DNAAF3: variants seen among roughly 807,000 people sequenced by gnomAD.
DNAAF3 encodes the protein UPF0470 protein C19orf51.
A neutral mutation model predicts 50.9 loss-of-function variants in DNAAF3; 40 were observed. The observed-to-expected ratio is 0.79, with a 90% CI of 0.61 to 1.02. The LOEUF (loss-of-function observed/expected upper bound fraction) is 1.02. Ranked by LOEUF, DNAAF3 falls within the 50% of genes least tolerant of loss-of-function variation. DNAAF3 has a pLI of 0.00. For missense variants in DNAAF3, 763 were observed against 744.7 expected, an observed-to-expected ratio of 1.02 and a Z score of -0.29; for synonymous variants, 327 against 322.8, an observed-to-expected ratio of 1.01 and a Z score of -0.14.
intron 4 of DNAAF3, among the ~76,000 whole-genome samples, chr19:55,163,940 C>T (rs561627499): frequency 4.6e-5 from 7 of 152,074 alleles, no homozygotes; most frequent in Non-Finnish European, 7.4e-5. Context: ...ATATTGGAGG[C>T]GGGGCCTGGT....
chr19:55,160,924 C>A lies in DNAAF3; in HGVS notation c.912+141G>T. 3 of 1,451,008 alleles carry A rather than the reference C, an allele frequency of 2.1e-6. No individual in the cohort carries two copies. The South Asian group carries it at 4.2e-5, about 20-fold the overall frequency. 89.9% of individuals were successfully genotyped at this position (1,451,008 alleles called of 1,614,324 possible). A position where few individuals can be genotyped will look rare whatever the true frequency, so the allele number is the denominator to read the frequency against. ...GGGACCTATCCCGCGGGGATGGGGC[C>A]TGTTCTCTGAATGGAGTCGTTCCCA... On this transcript the variant is annotated intron_variant, in intron 8 of 11. Transcript: ENST00000524407. The surrounding 1 kb of genome is among the most constrained non-coding windows in gnomAD (Gnocchi z 4.7).
Position 55,161,177 on chromosome 19 carries a change from C to G in DNAAF3, c.800G>C (p.Arg267Pro), listed in dbSNP as rs753871688. 3.3e-5 allele frequency: 52 copies of G among 1,568,834 alleles called. No homozygotes were observed. Among genetic ancestry groups the G allele is most frequent in the Middle Eastern group, 1.7e-4 (1 of 5,810 alleles). Residue 267 changes from arginine to proline, a missense_variant, in exon 8 of 12, where the codon CGC becomes CCC. Physicochemically the swap from Arg to Pro is moderately radical, Grantham distance 103 (BLOSUM62 -2). Coordinates refer to ENST00000524407, the MANE Select transcript of DNAAF3 (RefSeq NM_001256715.2). The surrounding 1 kb of genome is among the most constrained non-coding windows in gnomAD (Gnocchi z 6.4). ...SGRLLSYRGE[R>P]VAARGYWGDI... ...CCCCCAGTACCCGCGCGCTGCCACG[C>G]GCTCCCCACGCTGGAAAAGGAGGGA...
intron 4 of DNAAF3, 57 bp downstream of exon 4, chr19:55,165,313 C>T (rs2085919566): frequency 6.7e-7 from 1 of 1,502,870 alleles, no homozygotes; most frequent in South Asian, 1.1e-5. Context: ...ATGCCAGAAT[C>T]CCTCTAGGGA....
Position 55,161,804 on chromosome 19 carries a change from C to T in DNAAF3, c.502G>A (p.Glu168Lys), listed in dbSNP as rs2085840974. 6.9e-7 allele frequency: 1 copy of T among 1,449,738 alleles called. No individual in the cohort carries two copies. Among genetic ancestry groups the T allele is most frequent in the Non-Finnish European group, 9.1e-7 (1 of 1,102,314 alleles). The allele number at this position is 1,449,738 out of a possible 1,614,324, so 89.8% of individuals were successfully genotyped here. A position where few individuals can be genotyped will look rare whatever the true frequency, so the allele number is the denominator to read the frequency against. The change falls in exon 6 of 12, where the codon GAG becomes AAG. Residue 168 changes from glutamate to lysine, a missense_variant. Glu to Lys is a moderately conservative substitution (Grantham distance 56). Transcript: ENST00000524407. The surrounding 1 kb of genome is among the most constrained non-coding windows in gnomAD (Gnocchi z 6.4). ...ALKFRERDAL[E>K]AVFRFWAGGE... is the part of the protein sequence containing the mutation. ...CCAGCCCAGAAGCGGAATACGGCCT[C>T]CAGGGCATCCCGCTCGCGGAACTGC...
rs763784422 is a variant in DNAAF3, at chr19:55,161,816, G to A, written c.490C>T (p.Arg164Trp). 2 of 1,440,070 alleles carry A rather than the reference G, an allele frequency of 1.4e-6. No individual in the cohort carries two copies. The highest frequency in any genetic ancestry group is 1.8e-6 in the Non-Finnish European group (2 of 1,098,022). 89.2% of individuals were successfully genotyped at this position (1,440,070 alleles called of 1,614,324 possible). A position where few individuals can be genotyped will look rare whatever the true frequency, so the allele number is the denominator to read the frequency against. ...CGGAATACGGCCTCCAGGGCATCCC[G>A]CTCGCGGAACTGCGGGGCCAGGCAC... is the stretch of plus-strand genomic sequence containing the variant. ...LSLRALKFRE[R>W]DALEAVFRFW... The change falls in exon 6 of 12, where the codon CGG becomes TGG. Residue 164 changes from arginine (R) to tryptophan (W), a missense_variant. Transcript: ENST00000524407. The surrounding 1 kb of genome is among the most constrained non-coding windows in gnomAD (Gnocchi z 6.4).
chr19:55,162,402 A>G, intron 4 of DNAAF3, 112 bp from the exon 5 acceptor site: 11 of 1,168,286 alleles, frequency 9.4e-6, no homozygotes, highest in Non-Finnish European at 1.2e-5. Context: ...GAACCCCCGC[A>G]AACTCCCCAC....
At chr19:55,165,768 C>T (rs1299115828) in intron 3 of DNAAF3, 90 bp downstream of exon 3, 7 of 1,542,854 alleles carry the variant, frequency 4.5e-6, no homozygotes, top group Non-Finnish European at 6.1e-6. Flanking sequence ...TCTCCAGCCC[C>T]TTCATTCCTG....
rs2085813863 is a variant in DNAAF3 at position 55,160,871 on chromosome 19, C to CA, written c.913-97dup. The CA allele has an allele frequency of 6.7e-7, 1 of 1,498,528 alleles. No individual in the cohort carries two copies. Among genetic ancestry groups the CA allele is most frequent in the African/African-American group, 1.4e-5 (1 of 71,290 alleles). 92.8% of individuals were successfully genotyped at this position (1,498,528 alleles called of 1,614,324 possible). On this transcript the variant is annotated intron_variant, in intron 8 of 11. Transcript: ENST00000524407. The surrounding 1 kb of genome is among the most constrained non-coding windows in gnomAD (Gnocchi z 4.7). ...CCTCGGTCCAGGACTAGAACTCCCG[C>CA]AGCTGCTTGGAGGATGTGAAGTGGG... is the stretch of plus-strand genomic sequence containing the variant.
intron 3 of DNAAF3, 80 bp downstream of exon 3, chr19:55,165,778 G>C (rs1226151014): frequency 5.8e-6 from 9 of 1,551,132 alleles, no homozygotes; most frequent in Non-Finnish European, 7.8e-6. Flanking sequence ...CTTCATTCCT[G>C]GACCTGAGGT....
upstream of DNAAF3, chr19:55,166,668 A>G (rs750083189): frequency 6.2e-7 from 1 of 1,605,228 alleles, no homozygotes; most frequent in East Asian, 2.2e-5. The surrounding 1 kb of genome is among the most constrained non-coding windows in gnomAD (Gnocchi z 4.0). Flanking sequence ...GACCACAGCG[A>G]GCAACTGACC....
At position 55,161,048 on chromosome 19, in the gene DNAAF3, C is replaced by A; in HGVS notation, c.912+17G>T. On this transcript the variant is annotated intron_variant, in intron 8 of 11. Transcript: ENST00000524407. This position sits in a 1 kb window ranked among gnomAD's most constrained non-coding sequence, Gnocchi z 6.4. ...CCCAGCCCCACCTCTACCCCCAGTC[C>A]CAGCCTCGCCGCGCACCTTGACTGG... is the stretch of plus-strand genomic sequence containing the variant. The A allele has an allele frequency of 6.5e-7, 1 of 1,534,968 alleles. No individual in the cohort carries two copies. The highest frequency in any genetic ancestry group is 8.7e-7 in the Non-Finnish European group (1 of 1,142,900).
chr19:55,166,607 C>T lies in DNAAF3; in HGVS notation c.-89G>A, dbSNP rs1568869670. The T allele has an allele frequency of 6.2e-7, 1 of 1,614,148 alleles. No homozygotes were observed. Among genetic ancestry groups the T allele is most frequent in the Non-Finnish European group, 8.5e-7 (1 of 1,180,010 alleles). On this transcript the variant is annotated 5_prime_UTR_variant, in exon 1 of 12. Transcript: ENST00000524407. The surrounding 1 kb of genome is among the most constrained non-coding windows in gnomAD (Gnocchi z 4.0). The stretch of plus-strand genomic sequence containing the variant: ...CCCGCGGCACTCCACAACCGCTGCC[C>T]AGAGTCCCCGCCCTTTTCGAGGAAT...
In DNAAF3 at chr19:55,161,489, C is replaced by G; in HGVS notation, c.664-71G>C. On this transcript the variant is annotated intron_variant, in intron 6 of 11. Transcript: ENST00000524407. The surrounding 1 kb of genome is among the most constrained non-coding windows in gnomAD (Gnocchi z 6.4). ...TGGAGAGACCCCTACACCAGCCTCC[C>G]TCAGACCCAGGAGTCCAGGTCCCCA... 1 of 1,528,730 alleles carries G rather than the reference C, an allele frequency of 6.5e-7. No individual in the cohort carries two copies. Among genetic ancestry groups the G allele is most frequent in the Non-Finnish European group, 8.8e-7 (1 of 1,140,632 alleles). The allele number at this position is 1,528,730 out of a possible 1,614,324, so 94.7% of individuals were successfully genotyped here. A position where few individuals can be genotyped will look rare whatever the true frequency, so the allele number is the denominator to read the frequency against.
chr19:55,165,677 A>C, intron 3 of DNAAF3, 181 bp downstream of exon 3: 1 of 1,131,570 alleles, frequency 8.8e-7, no homozygotes, highest in Non-Finnish European at 1.2e-6. Flanking sequence ...TATAGAACCC[A>C]GGAGTTCCAA....
In DNAAF3 at chr19:55,160,714, C is replaced by G. The variant is rs1435501956; in HGVS notation, c.974G>C (p.Gly325Ala). 1.9e-6 allele frequency: 3 copies of G among 1,613,214 alleles called. No homozygotes were observed. Among genetic ancestry groups the G allele is most frequent in the African/African-American group, 1.3e-5 (1 of 74,934 alleles). The change falls in exon 9 of 12, where the codon GGG (glycine) becomes GCG (alanine). Residue 325 changes from glycine (G) to alanine (A), a missense_variant. Gly to Ala is a moderately conservative substitution (Grantham distance 60). Transcript: ENST00000524407. The surrounding 1 kb of genome is among the most constrained non-coding windows in gnomAD (Gnocchi z 4.7). ...TELLRDVAAWGRARATGGDLE... is the reference protein window; with the variant it reads ...TELLRDVAAWARARATGGDLE... ...GTCCCCCCCGGTGGCTCTCGCGCGC[C>G]CCCAGGCGGCCACGTCGCGGAGCAG...
intron 4 of DNAAF3, 174 bp from the exon 5 acceptor site, chr19:55,162,464 G>A: frequency 1.1e-6 from 1 of 888,004 alleles, no homozygotes; most frequent in East Asian, 3.4e-5. Context: ...GCGGGCGCCT[G>A]TAATCCCAGT....
chr19:55,166,653 G>C (rs370717778), upstream of DNAAF3: 39 of 1,612,324 alleles, frequency 2.4e-5, no homozygotes, highest in Middle Eastern at 1.2e-3. This position sits in a 1 kb window ranked among gnomAD's most constrained non-coding sequence, Gnocchi z 4.0. Context: ...AAGCATGTGG[G>C]ATGGGACCAC....
Position 55,165,969 on chromosome 19 carries a change from A to G in DNAAF3, c.117T>C (p.Asp39=), listed in dbSNP as rs886054642. Residue 39 remains aspartate (D), a synonymous_variant, in exon 3 of 12, where the codon GAT becomes GAC. Coordinates refer to ENST00000524407, the MANE Select transcript of DNAAF3 (RefSeq NM_001256715.2). Reference sequence around the variant, plus strand: ...CTAGCTCGGGGTTGCTGTGCACTGTATCGGCCTGGGAGTCTGGGTCCACAG... The same window carrying G: ...CTAGCTCGGGGTTGCTGTGCACTGTGTCGGCCTGGGAGTCTGGGTCCACAG... ...SPPVDPDSQA[D]TVHSNPELDV... is the part of the protein sequence containing the mutation. 14 of 1,614,196 alleles carry G rather than the reference A, an allele frequency of 8.7e-6. No homozygotes were observed. The highest frequency in any genetic ancestry group is 1.1e-5 in the Non-Finnish European group (13 of 1,180,036).
upstream of DNAAF3, chr19:55,166,623 T>G: frequency 6.2e-7 from 1 of 1,613,796 alleles, no homozygotes; most frequent in Non-Finnish European, 8.5e-7. The surrounding 1 kb of genome is among the most constrained non-coding windows in gnomAD (Gnocchi z 4.0). Context: ...CCCCGCCCTT[T>G]TCGAGGAATC....
Sources: gnomAD v4.1 joint callset for allele counts (sites outside exome capture counted in the v4.1 genomes callset) on GRCh38, gnomAD v4.1.1 for gene constraint, Gnocchi (gnomAD v3.1) non-coding constraint, MANE v1.5 for transcripts, NCBI Gene and HGNC (gene_info 2026-07-23, HGNC 2026-07-21) for gene names.